Variants in JAKMIP2 observed in about 807,000 individuals in gnomAD.
JAKMIP2 encodes janus kinase and microtubule interacting protein 2.
A neutral mutation model predicts 115.0 loss-of-function variants in JAKMIP2; 25 were observed. The observed-to-expected ratio is 0.22, with a 90% CI of 0.16 to 0.30. JAKMIP2 has a LOEUF of 0.30. JAKMIP2 is among the 10% of genes least tolerant of loss of function. The pLI, the probability that JAKMIP2 is intolerant of heterozygous loss-of-function variation, is 1.00. For synonymous variants in JAKMIP2, 334 were observed against 343.6 expected (o/e 0.97, Z 0.31); for missense variants, 642 against 957.6 (o/e 0.67, Z 4.35).
chr5:147,747,675 A>T (rs745361822), intron 1 of JAKMIP2, among the ~76,000 whole-genome samples: 3 of 152,108 alleles, frequency 2.0e-5, no homozygotes, highest in Non-Finnish European at 2.9e-5. Context: ...AATCAGTAAG[A>T]ATGTAAGGAA....
intron 1 of JAKMIP2, among the ~76,000 whole-genome samples, chr5:147,721,903 A>T (rs1387675754): frequency 6.6e-6 from 1 of 152,020 alleles, no homozygotes; most frequent in South Asian, 2.1e-4. Flanking sequence ...CTTTCATACT[A>T]AAGTGTGGGA....
chr5:147,750,581 C>T (rs1754512065), intron 1 of JAKMIP2, among the ~76,000 whole-genome samples: 2 of 152,090 alleles, frequency 1.3e-5, no homozygotes, highest in South Asian at 2.1e-4. Context: ...CACACACACA[C>T]ACACACACAC....
Position 147,661,266 on chromosome 5 carries a change from C to G in JAKMIP2, c.309G>C (p.Thr103=). The G allele has an allele frequency of 1.2e-6, 2 of 1,613,906 alleles. No individual in the cohort carries two copies. Among genetic ancestry groups the G allele is most frequent in the Non-Finnish European group, 1.7e-6 (2 of 1,180,008 alleles). The change falls in exon 3 of 22, where the codon ACG becomes ACC. Residue 103 remains threonine (T), a synonymous_variant. Coordinates refer to ENST00000616793, the MANE Select transcript of JAKMIP2 (RefSeq NM_001270941.2). ...GGATCTCTCCATCACGTACCTTCAC[C>G]GTCCTTGACATTTCCTGCTCGTGCT... ...IKQHEQEMSR[T]VKVRDGEIQR...
chr5:147,645,132 A>C, intron 5 of JAKMIP2, 136 bp from the exon 6 acceptor site: 1 of 726,186 alleles, frequency 1.4e-6, no homozygotes, highest in East Asian at 2.6e-5. Flanking sequence ...CTGACCACTG[A>C]CATTTCAATC....
chr5:147,687,111 T>A (rs901242525), intron 1 of JAKMIP2, among the ~76,000 whole-genome samples: 2 of 152,280 alleles, frequency 1.3e-5, no homozygotes, highest in African/African-American at 4.8e-5. Context: ...TTACTGTTCT[T>A]CATCCACTTA....
At chr5:147,637,913 G>A (rs75721496) in intron 10 of JAKMIP2, among the ~76,000 whole-genome samples, 1 of 152,002 alleles carries the variant, frequency 6.6e-6, no homozygotes, top group East Asian at 1.9e-4. Context: ...CCATTTTTTT[G>A]TTGTTGTTTT....
At chr5:147,679,499 G>A (rs1001967441) in intron 1 of JAKMIP2, among the ~76,000 whole-genome samples, 1 of 152,232 alleles carries the variant, frequency 6.6e-6, no homozygotes, top group African/African-American at 2.4e-5. Context: ...TAGAAAGCAG[G>A]GAATAGTAAA....
intron 1 of JAKMIP2, among the ~76,000 whole-genome samples, chr5:147,762,630 CA>C (rs1754968679): frequency 6.6e-6 from 1 of 152,054 alleles, no homozygotes; most frequent in African/African-American, 2.4e-5. Flanking sequence ...GATTAGGACT[CA>C]ACCCTTATGA....
chr5:147,721,833 T>C (rs1042293063), intron 1 of JAKMIP2, among the ~76,000 whole-genome samples: 1 of 152,114 alleles, frequency 6.6e-6, no homozygotes, highest in African/African-American at 2.4e-5. Context: ...CTGGGAGCTG[T>C]AGACCGGAGC....
chr5:147,681,606 A>G (rs13173487), intron 1 of JAKMIP2, among the ~76,000 whole-genome samples: 30,109 of 152,032 alleles, frequency 0.2, 3,964 homozygotes, highest in East Asian at 0.45. Flanking sequence ...GGTGGAGGAC[A>G]TGTGTGTGCT....
intron 13 of JAKMIP2, among the ~76,000 whole-genome samples, chr5:147,631,855 T>C (rs1757369013): frequency 6.6e-6 from 1 of 152,192 alleles, no homozygotes; most frequent in East Asian, 1.9e-4. Context: ...TAACAGCCTT[T>C]TGCATATTCA....
At chr5:147,741,814 T>C (rs1754149519) in intron 1 of JAKMIP2, among the ~76,000 whole-genome samples, 1 of 152,002 alleles carries the variant, frequency 6.6e-6, no homozygotes, top group African/African-American at 2.4e-5. Context: ...CTTCATAAAG[T>C]ATGGGGACAA....
chr5:147,700,539 C>G (rs570403585), intron 1 of JAKMIP2, among the ~76,000 whole-genome samples: 1 of 152,230 alleles, frequency 6.6e-6, no homozygotes, highest in Non-Finnish European at 1.5e-5. Context: ...AAACCTGGGA[C>G]AAGTATACTA....
intron 1 of JAKMIP2, among the ~76,000 whole-genome samples, chr5:147,698,491 C>T (rs138865673): frequency 0.027 from 4,082 of 152,184 alleles, 195 homozygotes; most frequent in African/African-American, 0.095. Flanking sequence ...GCTGTGTCCC[C>T]ACCCAAATCT....
intron 4 of JAKMIP2, 109 bp from the exon 5 acceptor site, chr5:147,648,583 C>T (rs1447546782): frequency 3.1e-6 from 2 of 648,470 alleles, no homozygotes; most frequent in East Asian, 5.2e-5. Context: ...TTATCTGGCT[C>T]CTGAAGTGAG....
At chr5:147,668,396 G>A (rs762201298) in intron 2 of JAKMIP2, among the ~76,000 whole-genome samples, 4 of 152,166 alleles carry the variant, frequency 2.6e-5, no homozygotes, top group South Asian at 4.1e-4. Context: ...GGCAAATACC[G>A]CAACTTAGTG....
chr5:147,683,433 A>G (rs1170820434), intron 1 of JAKMIP2, among the ~76,000 whole-genome samples: 1 of 152,194 alleles, frequency 6.6e-6, no homozygotes, highest in Non-Finnish European at 1.5e-5. Context: ...CGGATGCTGC[A>G]GTGAGCCAAG....
At chr5:147,724,018 T>C (rs1208964341) in intron 1 of JAKMIP2, among the ~76,000 whole-genome samples, 2 of 152,220 alleles carry the variant, frequency 1.3e-5, no homozygotes, top group Non-Finnish European at 2.9e-5. Flanking sequence ...CTATTTATTA[T>C]AAAGAGTAAT....
intron 1 of JAKMIP2, among the ~76,000 whole-genome samples, chr5:147,736,301 CA>C (rs879819608): frequency 8.9e-4 from 127 of 141,920 alleles, no homozygotes; most frequent in African/African-American, 1.1e-3. Flanking sequence ...ATTAAGAATA[CA>C]AAAAAAAAAA....
Sources: gnomAD v4.1 joint callset for allele counts (sites outside exome capture counted in the v4.1 genomes callset) on GRCh38, gnomAD v4.1.1 for gene constraint, MANE v1.5 for transcripts, NCBI Gene and HGNC (gene_info 2026-07-23, HGNC 2026-07-21) for gene names.